FAM117B: variants seen among roughly 807,000 people sequenced by gnomAD.
FAM117B encodes the protein protein FAM117B.
FAM117B carries 22 observed loss-of-function variants against 52.8 expected under a neutral mutation model. The ratio of observed to expected loss-of-function variants is 0.42; its 90% CI spans 0.30 to 0.59. FAM117B has a LOEUF of 0.59. Among genes scored for constraint, FAM117B ranks in the 20% least tolerant of loss-of-function variants. The probability of loss-of-function intolerance (pLI) is 0.22; values close to 1 mark genes in which losing one functional copy is unlikely to be tolerated. For synonymous variants in FAM117B, 309 were observed against 324.1 expected (o/e 0.95, Z 0.50); for missense variants, 678 against 802.6 (o/e 0.84, Z 1.88).
At chr2:202,707,954 A>G (rs570320680) in intron 2 of FAM117B, among the ~76,000 whole-genome samples, 2 of 151,916 alleles carry the variant, frequency 1.3e-5, no homozygotes, top group South Asian at 2.1e-4. Flanking sequence ...TTTTTGGTAG[A>G]GATGGGGGTT....
intron 1 of FAM117B, among the ~76,000 whole-genome samples, chr2:202,691,524 C>A (rs1690623047): frequency 1.3e-5 from 2 of 151,648 alleles, no homozygotes; most frequent in African/African-American, 2.4e-5. Context: ...GAAATCAGAC[C>A]CATTAGTAAG....
intron 1 of FAM117B, among the ~76,000 whole-genome samples, chr2:202,660,591 G>T (rs536249590): frequency 6.6e-6 from 1 of 152,286 alleles, no homozygotes; most frequent in Admixed American, 6.5e-5. Context: ...GGATTTAGGA[G>T]TGTTCCTTTT....
intron 4 of FAM117B, among the ~76,000 whole-genome samples, chr2:202,749,443 A>T (rs1574303283): frequency 3.7e-5 from 1 of 27,076 alleles, no homozygotes; most frequent in Non-Finnish European, 8.2e-5. Context: ...GTATAATGTT[A>T]AAAAAAAAAA....
chr2:202,745,168 T>C (rs1029037037), intron 4 of FAM117B, among the ~76,000 whole-genome samples: 1 of 151,444 alleles, frequency 6.6e-6, no homozygotes, highest in African/African-American at 2.4e-5. Flanking sequence ...TAGTCCCAGC[T>C]ACTCAGGTGG....
intron 4 of FAM117B, among the ~76,000 whole-genome samples, chr2:202,729,007 A>G (rs1465437601): frequency 6.6e-6 from 1 of 152,190 alleles, no homozygotes; most frequent in Non-Finnish European, 1.5e-5. Context: ...GCACATGTGC[A>G]TCATGATAGT....
intron 2 of FAM117B, among the ~76,000 whole-genome samples, chr2:202,705,356 G>T (rs1007026204): frequency 1.3e-5 from 2 of 151,958 alleles, no homozygotes; most frequent in African/African-American, 4.8e-5. Flanking sequence ...AGTTTTGAAA[G>T]ATGTTAATCT....
chr2:202,721,181 G>A (rs902332973), intron 2 of FAM117B, among the ~76,000 whole-genome samples: 10 of 151,846 alleles, frequency 6.6e-5, no homozygotes, highest in Non-Finnish European at 1.2e-4. Context: ...TATAAGCTCT[G>A]AATTAAATAT....
rs1559090421 is a variant in FAM117B at position 202,634,996 on chromosome 2, C to CA, written c.-192_-191insA. Among the ~76,000 whole-genome samples, 266 of 70,992 alleles carry CA rather than the reference C, an allele frequency of 3.7e-3. 1 individual carries two copies. Among genetic ancestry groups the CA allele is most frequent in the Non-Finnish European group, 6.4e-3 (207 of 32,280 alleles). 46.6% of individuals were successfully genotyped at this position (70,992 alleles called of 152,430 possible). Reference sequence around the variant, plus strand: ...AGGAGACACTATTGTTGATGAGGAGCGGCGGCGGCGGCGGCGGCGGCTGCA... The same window carrying CA: ...AGGAGACACTATTGTTGATGAGGAGCAGGCGGCGGCGGCGGCGGCGGCTGCA... On this transcript the variant is annotated 5_prime_UTR_variant, in exon 1 of 8. Transcript: ENST00000392238.
intron 2 of FAM117B, among the ~76,000 whole-genome samples, chr2:202,717,754 C>G (rs1296846745): frequency 2.6e-5 from 4 of 152,188 alleles, no homozygotes; most frequent in Non-Finnish European, 5.9e-5. Context: ...CTGGGTCAGA[C>G]CTGAAGCCAG....
chr2:202,715,168 C>T (rs1691026600), intron 2 of FAM117B, among the ~76,000 whole-genome samples: 1 of 149,484 alleles, frequency 6.7e-6, no homozygotes, highest in Non-Finnish European at 1.5e-5. Context: ...GGGCTGACCC[C>T]CCACCTCCCT....
In FAM117B at chr2:202,650,717, G is replaced by A. The variant is rs556617231; in HGVS notation, c.601+14929G>A. ...GCAATCCACTGGTGTAAATCCAAGA[G>A]TCCAAAAGCTGAAGAAACTGGAGTG... is the stretch of plus-strand genomic sequence containing the variant. On this transcript the variant is annotated intron_variant, in intron 1 of 7. Coordinates refer to ENST00000392238, the MANE Select transcript of FAM117B (RefSeq NM_173511.4). Among the ~76,000 whole-genome samples the A allele has an allele frequency of 3.0e-4, 46 of 152,306 alleles. 1 individual carries two copies. The highest frequency in any genetic ancestry group is 1.0e-3 in the African/African-American group (43 of 41,558).
At chr2:202,759,379 C>G in intron 7 of FAM117B, 26 bp downstream of exon 7, 1 of 1,584,344 alleles carries the variant, frequency 6.3e-7, no homozygotes, top group African/African-American at 1.4e-5. Context: ...ACCATCCCCA[C>G]AAAAAAACTA....
intron 2 of FAM117B, among the ~76,000 whole-genome samples, chr2:202,717,771 T>C (rs990055293): frequency 1.3e-5 from 2 of 152,148 alleles, no homozygotes; most frequent in African/African-American, 4.8e-5. Context: ...CCAGCACAGC[T>C]TTTCACCCAA....
At chr2:202,716,435 G>A (rs1691058070) in intron 2 of FAM117B, among the ~76,000 whole-genome samples, 1 of 151,712 alleles carries the variant, frequency 6.6e-6, no homozygotes, top group Admixed American at 6.6e-5. Context: ...TTGTTTTCTG[G>A]TTGTTTTGTG....
chr2:202,726,817 G>A (rs72928969), intron 4 of FAM117B, among the ~76,000 whole-genome samples: 3,936 of 152,082 alleles, frequency 0.026, 75 homozygotes, highest in Non-Finnish European at 0.038. Context: ...GATAGCATTA[G>A]AAGAAATACC....
At chr2:202,732,046 CTTTTT>C (rs758181285) in intron 4 of FAM117B, among the ~76,000 whole-genome samples, 1 of 135,016 alleles carries the variant, frequency 7.4e-6, no homozygotes, top group African/African-American at 2.7e-5. Flanking sequence ...ATTTATTTTT[CTTTTT>C]TTTTTTTTTT....
intron 2 of FAM117B, among the ~76,000 whole-genome samples, chr2:202,715,018 A>T (rs1691021954): frequency 6.6e-6 from 1 of 152,146 alleles, no homozygotes; most frequent in Non-Finnish European, 1.5e-5. Flanking sequence ...TGCCATTGTC[A>T]TCATGGCCCG....
At chr2:202,745,759 A>AT (rs1221450727) in intron 4 of FAM117B, among the ~76,000 whole-genome samples, 3 of 152,222 alleles carry the variant, frequency 2.0e-5, no homozygotes, top group Admixed American at 2.0e-4. Flanking sequence ...GGAAAAGGCT[A>AT]TTCCACGCAA....
intron 4 of FAM117B, among the ~76,000 whole-genome samples, chr2:202,750,323 C>T (rs544939087): frequency 4.6e-5 from 7 of 152,268 alleles, no homozygotes; most frequent in African/African-American, 1.7e-4. Context: ...CCAGCCTGGG[C>T]AACATGGTAA....
Sources: allele counts gnomAD v4.1 joint callset (sites outside exome capture counted in the v4.1 genomes callset), GRCh38; gene constraint gnomAD v4.1.1; transcripts MANE v1.5; gene names NCBI Gene and HGNC (gene_info 2026-07-23, HGNC 2026-07-21).